CLCN5: variants seen among roughly 807,000 people sequenced by gnomAD.
The protein encoded by CLCN5 is H(+)/Cl(-) exchange transporter 5.
A neutral mutation model predicts 54.0 loss-of-function variants in CLCN5; 17 were observed. The ratio of observed to expected loss-of-function variants is 0.31; its 90% confidence interval spans 0.22 to 0.47. The LOEUF is 0.47. CLCN5 is among the 20% of genes least tolerant of loss of function. The pLI is 1.00. For missense variants in CLCN5, 448 were observed against 646.7 expected, an observed-to-expected ratio of 0.69 and a Z score of 3.33; for synonymous variants, 222 against 233.0, an observed-to-expected ratio of 0.95 and a Z score of 0.43.
intron 4 of CLCN5, among the ~76,000 whole-genome samples, chrX:50,068,356 G>A (rs2147539402): frequency 9.0e-6 from 1 of 111,175 alleles, no homozygotes; most frequent in East Asian, 2.8e-4. Context: ...ACACTGACAT[G>A]ATAGGAAATG....
At chrX:50,006,357 G>C (rs1557181405) in intron 3 of CLCN5, among the ~76,000 whole-genome samples, 1 of 112,019 alleles carries the variant, frequency 8.9e-6, no homozygotes, top group African/African-American at 3.3e-5. Context: ...TGCTGTCCCA[G>C]TGCAGTACAC....
intron 4 of CLCN5, among the ~76,000 whole-genome samples, chrX:50,066,442 C>T (rs782269199): frequency 6.3e-5 from 7 of 111,482 alleles, no homozygotes; most frequent in East Asian, 2.8e-4. Flanking sequence ...CAGGGTGTAT[C>T]GAACCTTAAG....
intron 11 of CLCN5, among the ~76,000 whole-genome samples, chrX:50,088,203 T>A (rs1182643709): frequency 8.9e-6 from 1 of 111,914 alleles, no homozygotes; most frequent in African/African-American, 3.3e-5. Flanking sequence ...TTACTTAACC[T>A]CTCTGAACCT....
At chrX:49,950,463 A>G (rs782567961) in intron 3 of CLCN5, among the ~76,000 whole-genome samples, 136 of 111,231 alleles carry the variant, frequency 1.2e-3, no homozygotes, top group Non-Finnish European at 1.5e-3. Context: ...ATATTATTAA[A>G]CCTCAATATA....
intron 3 of CLCN5, among the ~76,000 whole-genome samples, chrX:49,936,435 A>T (rs1925979550): frequency 1.8e-5 from 2 of 111,624 alleles, no homozygotes; most frequent in African/African-American, 6.5e-5. Flanking sequence ...CTCAACCTAT[A>T]ATAATTCATT....
intron 3 of CLCN5, among the ~76,000 whole-genome samples, chrX:49,976,308 A>T (rs1354931545): frequency 1.8e-5 from 2 of 112,502 alleles, no homozygotes; most frequent in Non-Finnish European, 3.8e-5. Context: ...CTAAAGTGAA[A>T]AATCTGGTTG....
intron 3 of CLCN5, among the ~76,000 whole-genome samples, chrX:49,962,525 C>T (rs1927647923): frequency 9.0e-6 from 1 of 111,646 alleles, no homozygotes. Flanking sequence ...CATAACCAGT[C>T]CAGAACTGAT....
chrX:50,080,941 G>C (rs782286395), intron 8 of CLCN5, among the ~76,000 whole-genome samples: 3 of 111,178 alleles, frequency 2.7e-5, no homozygotes, highest in Non-Finnish European at 5.7e-5. Context: ...TGTTGAGCCA[G>C]GCTCTGGAAA....
At chrX:50,064,262 C>G (rs782197999) in intron 4 of CLCN5, among the ~76,000 whole-genome samples, 1 of 110,159 alleles carries the variant, frequency 9.1e-6, no homozygotes, top group Non-Finnish European at 1.9e-5. Flanking sequence ...TATAAAACCC[C>G]GTCGTCTCAG....
chrX:50,054,484 G>A (rs1182634173), intron 4 of CLCN5: 3 of 111,620 alleles, frequency 2.7e-5, no homozygotes, highest in Admixed American at 1.9e-4. Flanking sequence ...ACTTGGTGGG[G>A]TTCCTGGATG....
Position 50,092,131 on chromosome X carries a change from G to A in CLCN5, c.2363G>A (p.Arg788Gln), listed in dbSNP as rs61739326. Residue 788 changes from arginine (R) to glutamine (Q), a missense_variant and splice_region_variant, in exon 15 of 15, where the codon CGA becomes CAA. This residue lies in a region of CLCN5 where 297 missense variants were observed against 470.4 expected (regional missense o/e 0.63). Coordinates refer to ENST00000376091, the MANE Select transcript of CLCN5 (RefSeq NM_001127898.4). ...LRQCLVTHNG[R>Q]LLGIITKKDV... is the part of the protein sequence containing the mutation. Reference sequence around the variant, plus strand: ...TTTGTATTGTGTTTGTCTTTTAGGCGATTGCTTGGAATCATTACCAAAAAG... The same window carrying A: ...TTTGTATTGTGTTTGTCTTTTAGGCAATTGCTTGGAATCATTACCAAAAAG... The A allele has an allele frequency of 6.7e-6, 8 of 1,192,828 alleles. No individual in the cohort carries two copies. The highest frequency in any genetic ancestry group is 3.0e-5 in the East Asian group (1 of 33,691).
chrX:50,013,168 T>C (rs1391147783), intron 3 of CLCN5: 26 of 268,798 alleles, frequency 9.7e-5, no homozygotes, highest in Non-Finnish European at 1.8e-4. Context: ...CTCTCTCCTC[T>C]CTCTCTCTTT....
At chrX:50,050,905 G>A (rs1374436316) in intron 4 of CLCN5, among the ~76,000 whole-genome samples, 8 of 110,310 alleles carry the variant, frequency 7.3e-5, no homozygotes, top group African/African-American at 2.0e-4. Context: ...CTCGTGATCC[G>A]CCCACCTCGG....
At chrX:50,063,068 A>C in intron 4 of CLCN5, among the ~76,000 whole-genome samples, 1 of 109,493 alleles carries the variant, frequency 9.1e-6, no homozygotes, top group South Asian at 4.0e-4. Flanking sequence ...AAAGATCTAA[A>C]ATTGACACCC....
chrX:50,032,567 G>T (rs1442000804), intron 3 of CLCN5, among the ~76,000 whole-genome samples: 7 of 107,278 alleles, frequency 6.5e-5, no homozygotes, highest in Non-Finnish European at 1.1e-4. Context: ...TGATGGGGTT[G>T]TTTGTTTTTT....
intron 4 of CLCN5, among the ~76,000 whole-genome samples, chrX:50,047,776 T>C (rs138428277): frequency 0.032 from 3,586 of 111,088 alleles, 80 homozygotes; most frequent in South Asian, 0.11. Context: ...TGTCTCTCAA[T>C]TGGGATTTGT....
chrX:49,985,449 C>T (rs1928953319), intron 3 of CLCN5, among the ~76,000 whole-genome samples: 1 of 111,445 alleles, frequency 9.0e-6, no homozygotes, highest in Admixed American at 9.5e-5. Flanking sequence ...ATCATATAAA[C>T]CTGATGATTA....
intron 4 of CLCN5, among the ~76,000 whole-genome samples, chrX:50,055,572 C>T (rs1297272750): frequency 8.9e-6 from 1 of 112,591 alleles, no homozygotes; most frequent in Non-Finnish European, 1.9e-5. Flanking sequence ...CATAAGTCTG[C>T]TCCTTGCAAT....
At chrX:49,946,563 C>G (rs1926756905) in intron 3 of CLCN5, among the ~76,000 whole-genome samples, 1 of 111,675 alleles carries the variant, frequency 9.0e-6, no homozygotes, top group Non-Finnish European at 1.9e-5. Flanking sequence ...GATAAAGTCT[C>G]AGTTTGTCTC....
Sources: allele counts gnomAD v4.1 joint callset (sites outside exome capture counted in the v4.1 genomes callset), GRCh38; gene constraint gnomAD v4.1.1; regional missense constraint gnomAD v4.1.1; transcripts MANE v1.5; gene names NCBI Gene and HGNC (gene_info 2026-07-23, HGNC 2026-07-21).